NRXN1: variants seen among roughly 807,000 people sequenced by gnomAD.
NRXN1 encodes the protein neurexin 1.
Under a neutral mutation model 150.9 loss-of-function variants are expected in NRXN1, and 39 were observed. The observed-to-expected ratio is 0.26, with a 90% CI of 0.20 to 0.34. The LOEUF (loss-of-function observed/expected upper bound fraction) is 0.34, where lower values mean the gene tolerates loss of function less well. Among genes scored for constraint, NRXN1 ranks in the 10% least tolerant of loss-of-function variants. The pLI, the probability that NRXN1 is intolerant of heterozygous loss-of-function variation, is 1.00. For synonymous variants in NRXN1, 924 were observed against 757.0 expected, an observed-to-expected ratio of 1.22 and a Z score of -3.62; for missense variants, 1,815 against 1,949.9, an observed-to-expected ratio of 0.93 and a Z score of 1.30.
intron 18 of NRXN1, among the ~76,000 whole-genome samples, chr2:50,095,746 T>C (rs1172529830): frequency 6.8e-6 from 1 of 146,412 alleles, no homozygotes; most frequent in Admixed American, 6.9e-5. Flanking sequence ...GCATCCGTGA[T>C]GCTTGGAGAA....
At chr2:50,983,164 T>G (rs1450471778) in intron 2 of NRXN1, among the ~76,000 whole-genome samples, 1 of 152,094 alleles carries the variant, frequency 6.6e-6, no homozygotes, top group Non-Finnish European at 1.5e-5. Flanking sequence ...TATAAATATT[T>G]TGGCTTCCAC....
chr2:50,324,314 T>C (rs998032973), intron 17 of NRXN1, among the ~76,000 whole-genome samples: 1 of 152,028 alleles, frequency 6.6e-6, no homozygotes, highest in African/African-American at 2.4e-5. Context: ...AAAAATGAAT[T>C]AAATGGAAAG....
chr2:50,661,484 T>A (rs1687291272), intron 5 of NRXN1, among the ~76,000 whole-genome samples: 2 of 152,220 alleles, frequency 1.3e-5, no homozygotes, highest in Admixed American at 6.5e-5. Context: ...CTCTGCCACA[T>A]TGCTCAACTA....
At chr2:50,416,642 C>T (rs532179552) in intron 17 of NRXN1, among the ~76,000 whole-genome samples, 93 of 152,086 alleles carry the variant, frequency 6.1e-4, no homozygotes, top group African/African-American at 2.0e-3. Context: ...GCTGGGAAGG[C>T]CTCAGGAAAT....
At chr2:50,723,008 G>C (rs1044412497) in intron 5 of NRXN1, among the ~76,000 whole-genome samples, 3 of 152,184 alleles carry the variant, frequency 2.0e-5, no homozygotes, top group African/African-American at 7.2e-5. Flanking sequence ...TAGCTTTTGA[G>C]AGTGAACAGA....
intron 5 of NRXN1, among the ~76,000 whole-genome samples, chr2:50,821,040 T>G (rs1397126984): frequency 6.6e-6 from 1 of 152,148 alleles, no homozygotes; most frequent in East Asian, 1.9e-4. Context: ...ACAACATATT[T>G]ATTTAGGACT....
chr2:50,206,124 C>A (rs183982122), intron 18 of NRXN1, among the ~76,000 whole-genome samples: 2 of 151,968 alleles, frequency 1.3e-5, no homozygotes, highest in South Asian at 2.1e-4. Flanking sequence ...CAAAGAAATA[C>A]TAGAAAACTT....
chr2:49,988,970 T>C (rs536010927), intron 21 of NRXN1, among the ~76,000 whole-genome samples: 25 of 152,330 alleles, frequency 1.6e-4, no homozygotes, highest in South Asian at 8.3e-4. Context: ...TTCATATGCA[T>C]GTACAGTGGG....
intron 17 of NRXN1, among the ~76,000 whole-genome samples, chr2:50,439,222 A>G (rs763585934): frequency 6.6e-6 from 1 of 152,238 alleles, no homozygotes; most frequent in Non-Finnish European, 1.5e-5. Flanking sequence ...GCTGGGTAGT[A>G]TGTTTAGTAG....
chr2:50,176,527 G>T (rs556660696), intron 18 of NRXN1, among the ~76,000 whole-genome samples: 1 of 152,048 alleles, frequency 6.6e-6, no homozygotes, highest in Non-Finnish European at 1.5e-5. Flanking sequence ...AATGTCTTCA[G>T]ACATTGTCAA....
chr2:50,256,303 A>G (rs1418912341), intron 17 of NRXN1, among the ~76,000 whole-genome samples: 1 of 152,172 alleles, frequency 6.6e-6, no homozygotes, highest in African/African-American at 2.4e-5. Flanking sequence ...CCCATTAAAC[A>G]TATTTAGCAT....
At chr2:50,981,684 T>G (rs1696844042) in intron 2 of NRXN1, among the ~76,000 whole-genome samples, 1 of 151,950 alleles carries the variant, frequency 6.6e-6, no homozygotes, top group Non-Finnish European at 1.5e-5. Flanking sequence ...TACGATATCT[T>G]TGACAGCTTT....
chr2:50,856,430 C>G (rs1162685462), intron 5 of NRXN1, among the ~76,000 whole-genome samples: 1 of 152,034 alleles, frequency 6.6e-6, no homozygotes, highest in Non-Finnish European at 1.5e-5. Flanking sequence ...CTTCAGAAAA[C>G]AGATTTCCCT....
intron 17 of NRXN1, among the ~76,000 whole-genome samples, chr2:50,357,098 G>T (rs1414741056): frequency 6.6e-6 from 1 of 151,876 alleles, no homozygotes; most frequent in Non-Finnish European, 1.5e-5. Flanking sequence ...GCAACATAAG[G>T]AGACCCCATC....
At chr2:50,455,651 G>A (rs1042791747) in intron 17 of NRXN1, among the ~76,000 whole-genome samples, 2 of 152,086 alleles carry the variant, frequency 1.3e-5, no homozygotes, top group Admixed American at 1.3e-4. Context: ...TAGCAAAATG[G>A]AGCACTTTCC....
At position 50,367,304 on chromosome 2, in the gene NRXN1, A is replaced by G. The variant is rs188017724; in HGVS notation, c.3364+98138T>C. Among the ~76,000 whole-genome samples the G allele has an allele frequency of 7.9e-5, 12 of 152,094 alleles. No individual in the cohort carries two copies. The East Asian group carries it at 1.9e-3, about 25-fold the overall frequency. On this transcript the variant is annotated intron_variant, in intron 17 of 22. Transcript: ENST00000401669. ...AGGAAAAGATATCCATTTCCTGTAGAAGAGAATTAGAGCTTAATGAAGACA... is the reference window on the plus strand; with the variant it reads ...AGGAAAAGATATCCATTTCCTGTAGGAGAGAATTAGAGCTTAATGAAGACA...
chr2:50,078,065 G>T (rs538431774), intron 19 of NRXN1, among the ~76,000 whole-genome samples: 15 of 151,698 alleles, frequency 9.9e-5, no homozygotes, highest in African/African-American at 3.1e-4. Context: ...TTTAATATAT[G>T]GCCTATTTAA....
intron 19 of NRXN1, among the ~76,000 whole-genome samples, chr2:50,064,724 G>A (rs1342175599): frequency 6.6e-6 from 1 of 152,112 alleles, no homozygotes; most frequent in African/African-American, 2.4e-5. Flanking sequence ...CCTCCAAGGA[G>A]CATTTACTTC....
At chr2:50,328,786 C>T (rs1057078588) in intron 17 of NRXN1, among the ~76,000 whole-genome samples, 6 of 152,032 alleles carry the variant, frequency 3.9e-5, no homozygotes, top group Non-Finnish European at 2.9e-5. Flanking sequence ...CTACTAATTC[C>T]GTCACCGCTA....
Sources: allele counts gnomAD v4.1 joint callset (sites outside exome capture counted in the v4.1 genomes callset), GRCh38; gene constraint gnomAD v4.1.1; transcripts MANE v1.5; gene names NCBI Gene and HGNC (gene_info 2026-07-23, HGNC 2026-07-21).